LIAS: variants seen among roughly 807,000 people sequenced by gnomAD.
LIAS encodes lipoyl synthase, mitochondrial.
LIAS carries 36 observed loss-of-function variants against 49.4 expected under a neutral mutation model. The observed-to-expected ratio is 0.73, with a 90% CI of 0.56 to 0.96. The LOEUF (loss-of-function observed/expected upper bound fraction) is 0.96. Among genes scored for constraint, LIAS ranks in the 40% least tolerant of loss-of-function variants. LIAS has a pLI of 0.00. For synonymous variants in LIAS, 145 were observed against 155.8 expected (o/e 0.93, Z 0.52); for missense variants, 399 against 456.3 (o/e 0.87, Z 1.14).
intron 10 of LIAS, 87 bp from the exon 11 acceptor site, chr4:39,476,976 G>T: frequency 3.5e-6 from 3 of 869,202 alleles, no homozygotes; most frequent in Non-Finnish European, 3.5e-6. Context: ...TTTAAAGGGG[G>T]AACACCAAAA....
At chr4:39,459,249 C>T (rs950838053) in intron 1 of LIAS, 87 bp downstream of exon 1, 1 of 1,223,632 alleles carries the variant, frequency 8.2e-7, no homozygotes, top group Admixed American at 2.3e-5. Context: ...AAGGCCAGTG[C>T]ATTTACTGAA....
chr4:39,460,781 T>C lies in LIAS; in HGVS notation c.46-9T>C. On this transcript the variant is annotated splice_polypyrimidine_tract_variant and intron_variant, in intron 1 of 10. Transcript: ENST00000640888. The stretch of plus-strand genomic sequence containing the variant: ...ACTAAATAAACGTCATAATTAACTC[T>C]TTCTTTAGGTATTTGGGAGATATTT... 1 of 1,554,148 alleles carries C rather than the reference T, an allele frequency of 6.4e-7. No individual in the cohort carries two copies. Among genetic ancestry groups the C allele is most frequent in the Non-Finnish European group, 8.7e-7 (1 of 1,153,966 alleles).
chr4:39,469,926 G>A (rs1744916591), intron 7 of LIAS, 93 bp from the exon 8 acceptor site: 1 of 1,140,006 alleles, frequency 8.8e-7, no homozygotes, highest in Admixed American at 2.2e-5. Context: ...ATAATGTGCA[G>A]AATGTACTTC....
rs146674216 is a variant in LIAS at position 39,461,474 on chromosome 4, C to A, written c.218+512C>A. Among the ~76,000 whole-genome samples, 3 of 152,290 alleles carry A rather than the reference C, an allele frequency of 2.0e-5. No individual in the cohort carries two copies. In the East Asian group the frequency reaches 5.8e-4, roughly 29 times the overall value. On this transcript the variant is annotated intron_variant, in intron 2 of 10. Transcript: ENST00000640888. ...CCAGTCCAAATTTTAGATCTTTTTT[C>A]CATTGAGTAACCACTATAAAATCTA...
chr4:39,461,578 T>C (rs1033400728), intron 2 of LIAS, among the ~76,000 whole-genome samples: 2 of 152,246 alleles, frequency 1.3e-5, no homozygotes, highest in Admixed American at 6.5e-5. Context: ...GTATCATTCA[T>C]GAGGGATGAG....
chr4:39,469,914 A>C (rs1379168037), intron 7 of LIAS, 105 bp from the exon 8 acceptor site: 2 of 1,025,212 alleles, frequency 2.0e-6, no homozygotes, highest in African/African-American at 1.6e-5. Context: ...ATGTGATTTA[A>C]GATAATGTGC....
At chr4:39,471,336 T>TTA (rs1553934854) in intron 9 of LIAS, 30 bp downstream of exon 9, 22 of 1,552,752 alleles carry the variant, frequency 1.4e-5, no homozygotes, top group Non-Finnish European at 1.8e-5. Flanking sequence ...CTTTTTTTTT[T>TTA]TTTTTTTATT....
intron 7 of LIAS, 77 bp from the exon 8 acceptor site, chr4:39,469,942 T>G (rs1213177696): frequency 7.6e-7 from 1 of 1,323,770 alleles, no homozygotes; most frequent in South Asian, 1.3e-5. Flanking sequence ...ACTTCTCTGG[T>G]CTTTCAGGTT....
At chr4:39,474,211 C>T (rs569949837) in intron 10 of LIAS, among the ~76,000 whole-genome samples, 1 of 145,132 alleles carries the variant, frequency 6.9e-6, no homozygotes, top group Non-Finnish European at 1.5e-5. Context: ...TGCAGTGAGC[C>T]GAGATTGTGC....
At chr4:39,473,276 C>A in intron 10 of LIAS, 65 bp downstream of exon 10, 1 of 990,118 alleles carries the variant, frequency 1.0e-6, no homozygotes, top group Non-Finnish European at 1.6e-6. Context: ...GTTCTACCAC[C>A]AGTCACTAAA....
In LIAS at chr4:39,478,145, C is replaced by A. The variant is rs541374384; in HGVS notation, c.*1030C>A. 1 of 152,194 alleles carries A rather than the reference C, an allele frequency of 6.6e-6. No individual in the cohort carries two copies. The allele number at this position is 152,194 out of a possible 1,614,324, so 9.4% of individuals were successfully genotyped here. A position where few individuals can be genotyped will look rare whatever the true frequency, so the allele number is the denominator to read the frequency against. On this transcript the variant is annotated 3_prime_UTR_variant, in exon 11 of 11. Coordinates refer to ENST00000640888, the MANE Select transcript of LIAS (RefSeq NM_006859.4). ...TCATTCAACTTTAGCATTCATTCAA[C>A]GTAGATTGAAACTCATCAGATTAGC...
rs1744717593 is a variant in LIAS at position 39,465,351 on chromosome 4, T to G, written c.608+9T>G. On this transcript the variant is annotated intron_variant, in intron 6 of 10. Transcript: ENST00000640888. ...TCATATTTAAAGGAAAGGTACTTAT[T>G]TTTGCATTTGTGTAATTTAAGGACC... 3.1e-6 allele frequency: 5 copies of G among 1,604,840 alleles called. No homozygotes were observed. Among genetic ancestry groups the G allele is most frequent in the Non-Finnish European group, 4.2e-6 (5 of 1,177,746 alleles).
At position 39,471,326 on chromosome 4, in the gene LIAS, C is replaced by CTTTTTTTT. The variant is rs67611743; in HGVS notation, c.954+30_954+37dup. 8.0e-6 allele frequency: 10 copies of CTTTTTTTT among 1,243,100 alleles called. No homozygotes were observed. The highest frequency in any genetic ancestry group is 4.6e-5 in the Admixed American group (2 of 43,432). 77.0% of individuals were successfully genotyped at this position (1,243,100 alleles called of 1,614,324 possible). A position where few individuals can be genotyped will look rare whatever the true frequency, so the allele number is the denominator to read the frequency against. On this transcript the variant is annotated intron_variant, in intron 9 of 10. Transcript: ENST00000640888. ...CTTAAGGTACATGTATCTTGATTTGCTTTTTTTTTTTTTTTTTATTTTTAA... is the reference window on the plus strand; with the variant it reads ...CTTAAGGTACATGTATCTTGATTTGCTTTTTTTTTTTTTTTTTTTTTTTTTATTTTTAA...
chr4:39,471,146 C>G, intron 8 of LIAS, 90 bp from the exon 9 acceptor site: 1 of 929,760 alleles, frequency 1.1e-6, no homozygotes, highest in South Asian at 1.4e-5. Context: ...TCATAAAGTT[C>G]ACACCGTTTT....
At chr4:39,467,819 C>A in intron 7 of LIAS, 173 bp downstream of exon 7, 1 of 481,260 alleles carries the variant, frequency 2.1e-6, no homozygotes, top group Non-Finnish European at 3.4e-6. Flanking sequence ...CAGAAAATAT[C>A]ACCAACAAAA....
At chr4:39,464,409 CCA>C (rs1338193978) in intron 4 of LIAS, among the ~76,000 whole-genome samples, 4 of 152,158 alleles carry the variant, frequency 2.6e-5, no homozygotes, top group Middle Eastern at 3.4e-3. Context: ...CCTCATACCT[CCA>C]GTTTGAGATT....
chr4:39,470,926 A>T (rs1030981066), intron 8 of LIAS, among the ~76,000 whole-genome samples: 7 of 129,006 alleles, frequency 5.4e-5, no homozygotes, highest in African/African-American at 2.1e-4. Flanking sequence ...CATTTCCCAT[A>T]CCTTTTCTAC....
At chr4:39,465,228 C>A in intron 5 of LIAS, 26 bp downstream of exon 5, 1 of 1,612,208 alleles carries the variant, frequency 6.2e-7, no homozygotes, top group Non-Finnish European at 8.5e-7. Flanking sequence ...TGGCCTCTAC[C>A]AGAAACTGGC....
chr4:39,464,903 T>C, intron 4 of LIAS, 143 bp from the exon 5 acceptor site: 1 of 604,756 alleles, frequency 1.7e-6, no homozygotes. Flanking sequence ...GTTCCTTGAC[T>C]ATCATTTAGT....
Sources: gnomAD v4.1 joint callset for allele counts (sites outside exome capture counted in the v4.1 genomes callset) on GRCh38, gnomAD v4.1.1 for gene constraint, MANE v1.5 for transcripts, NCBI Gene and HGNC (gene_info 2026-07-23, HGNC 2026-07-21) for gene names.